Variants in SCEL observed in about 807,000 individuals in gnomAD.
SCEL encodes sciellin.
SCEL carries 113 observed loss-of-function variants against 117.6 expected under a neutral mutation model. That is an observed-to-expected ratio of 0.96 (90% confidence interval 0.83 to 1.12). SCEL has a LOEUF of 1.12. Among genes scored for constraint, SCEL ranks in the 50% most tolerant of loss-of-function variants. SCEL has a pLI of 0.00. For synonymous variants in SCEL, 270 were observed against 256.2 expected (o/e 1.05, Z -0.51); for missense variants, 785 against 810.8 (o/e 0.97, Z 0.39).
intron 9 of SCEL, among the ~76,000 whole-genome samples, chr13:77,587,617 T>A (rs1323926133): frequency 6.6e-6 from 1 of 152,130 alleles, no homozygotes; most frequent in African/African-American, 2.4e-5. Flanking sequence ...CCATGGTAAT[T>A]TCCCAGTCCT....
intron 5 of SCEL, 151 bp from the exon 6 acceptor site, chr13:77,567,529 T>C: frequency 1.7e-6 from 1 of 600,762 alleles, no homozygotes; most frequent in South Asian, 2.0e-5. Flanking sequence ...TTTCTTTTTA[T>C]TTAAAAATTT....
chr13:77,608,305 A>G (rs1440623417), intron 20 of SCEL, among the ~76,000 whole-genome samples, 190 bp downstream of exon 20: 1 of 152,232 alleles, frequency 6.6e-6, no homozygotes, highest in Non-Finnish European at 1.5e-5. Context: ...ACTGAGGATC[A>G]TAATGTTTGT....
chr13:77,608,544 G>A (rs1226557000), intron 20 of SCEL, among the ~76,000 whole-genome samples: 1 of 152,144 alleles, frequency 6.6e-6, no homozygotes, highest in African/African-American at 2.4e-5. Flanking sequence ...AAGTTACAAT[G>A]AGCCAAGATC....
At position 77,644,308 on chromosome 13, in the gene SCEL, C is replaced by G. The variant is rs199698710; in HGVS notation, c.*34C>G. ...CAAGGAAATCAAGATGAAAAGCACT[C>G]ATTAAGGAATTAAAGTTACAAGTTT... On this transcript the variant is annotated 3_prime_UTR_variant, in exon 33 of 33. Transcript: ENST00000349847. 8 of 1,606,674 alleles carry G rather than the reference C, an allele frequency of 5.0e-6. No homozygotes were observed. The highest frequency in any genetic ancestry group is 6.8e-6 in the Non-Finnish European group (8 of 1,174,078).
intron 28 of SCEL, among the ~76,000 whole-genome samples, 153 bp downstream of exon 28, chr13:77,628,162 A>ATGTGTG (rs1192487358): frequency 2.2e-5 from 2 of 89,990 alleles, no homozygotes; most frequent in South Asian, 3.4e-4. Flanking sequence ...GTGTATATAT[A>ATGTGTG]TGTGTGTGTA....
rs1567449787 is a variant in SCEL at position 77,637,393 on chromosome 13, T to TATATACATATATAAAC, written c.1838+204_1838+205insCATATATAAACATATA. Among the ~76,000 whole-genome samples, 108 of 47,898 alleles carry TATATACATATATAAAC rather than the reference T, an allele frequency of 2.3e-3. 1 individual carries two copies. The highest frequency in any genetic ancestry group is 5.9e-3 in the African/African-American group (102 of 17,262). The allele number at this position is 47,898 out of a possible 152,430, so 31.4% of individuals were successfully genotyped here. A position where few individuals can be genotyped will look rare whatever the true frequency, so the allele number is the denominator to read the frequency against. On this transcript the variant is annotated intron_variant, in intron 30 of 32. Coordinates refer to ENST00000349847, the MANE Select transcript of SCEL (RefSeq NM_144777.3). ...ATATAAACATATATACATATATAAA[T>TATATACATATATAAAC]ATATATACATATATAAATAAATATA... is the stretch of plus-strand genomic sequence containing the variant.
chr13:77,625,440 T>C (rs1399942612), intron 27 of SCEL, among the ~76,000 whole-genome samples: 1 of 152,224 alleles, frequency 6.6e-6, no homozygotes, highest in African/African-American at 2.4e-5. Flanking sequence ...CTTGCAGTTA[T>C]GTAGAAGAAT....
intron 9 of SCEL, among the ~76,000 whole-genome samples, 181 bp downstream of exon 9, chr13:77,572,370 C>A (rs553045545): frequency 6.6e-6 from 1 of 152,288 alleles, no homozygotes; most frequent in Non-Finnish European, 1.5e-5. Context: ...CCTGATAGGA[C>A]ATCTGACAAA....
intron 1 of SCEL, among the ~76,000 whole-genome samples, chr13:77,550,581 C>T (rs916943447): frequency 6.6e-6 from 1 of 152,070 alleles, no homozygotes; most frequent in Non-Finnish European, 1.5e-5. Context: ...ATGGATGTGA[C>T]TGTTCTGTAC....
At chr13:77,593,259 AGTGT>A (rs4052543) in intron 11 of SCEL, among the ~76,000 whole-genome samples, 3,121 of 110,978 alleles carry the variant, frequency 0.028, 44 homozygotes, top group East Asian at 0.14. Flanking sequence ...AACAGAGGGG[AGTGT>A]GTGTGTGTGT....
chr13:77,556,295 C>G (rs2084652397), intron 2 of SCEL, among the ~76,000 whole-genome samples: 1 of 152,166 alleles, frequency 6.6e-6, no homozygotes, highest in Admixed American at 6.5e-5. Context: ...GGCCAACCCA[C>G]TAAATCCTGG....
At chr13:77,560,905 A>G (rs1387471307) in intron 4 of SCEL, among the ~76,000 whole-genome samples, 2 of 151,306 alleles carry the variant, frequency 1.3e-5, no homozygotes, top group African/African-American at 4.9e-5. Context: ...GGACACGTCT[A>G]TTTTGGAAAC....
intron 1 of SCEL, among the ~76,000 whole-genome samples, chr13:77,539,099 G>A (rs1456451423): frequency 1.3e-5 from 2 of 152,158 alleles, no homozygotes; most frequent in Non-Finnish European, 2.9e-5. Flanking sequence ...ATATACAAAT[G>A]CATGCAGTGA....
intron 5 of SCEL, among the ~76,000 whole-genome samples, chr13:77,567,458 A>T (rs1248047382): frequency 6.6e-6 from 1 of 152,244 alleles, no homozygotes; most frequent in Non-Finnish European, 1.5e-5. Context: ...CATCTCAAAA[A>T]ATAAAATAAA....
At chr13:77,599,166 T>C (rs879484914) in intron 13 of SCEL, among the ~76,000 whole-genome samples, 163 bp from the exon 14 acceptor site, 1 of 152,238 alleles carries the variant, frequency 6.6e-6, no homozygotes, top group Admixed American at 6.5e-5. Context: ...CCCACTGCAA[T>C]TTAAAATTTG....
chr13:77,546,981 T>C (rs1248443519), intron 1 of SCEL, among the ~76,000 whole-genome samples: 2 of 152,178 alleles, frequency 1.3e-5, no homozygotes, highest in African/African-American at 4.8e-5. Flanking sequence ...GACTTCCACT[T>C]CAATTGTAAT....
intron 9 of SCEL, 95 bp from the exon 10 acceptor site, chr13:77,589,049 A>T: frequency 5.7e-6 from 5 of 883,100 alleles, no homozygotes; most frequent in Non-Finnish European, 9.1e-6. Flanking sequence ...GATGCAAAGG[A>T]TATTTTTATG....
At chr13:77,594,826 A>T (rs1194946855) in intron 12 of SCEL, among the ~76,000 whole-genome samples, 1 of 152,180 alleles carries the variant, frequency 6.6e-6, no homozygotes, top group East Asian at 1.9e-4. Context: ...GTTGTTAGAG[A>T]TTGCAGTCTC....
At chr13:77,604,438 CT>C in intron 19 of SCEL, 23 bp downstream of exon 19, 1 of 1,553,362 alleles carries the variant, frequency 6.4e-7, no homozygotes, top group Non-Finnish European at 8.7e-7. Context: ...AAGCTCCCCC[CT>C]CCCCTTTGTT....
Sources: allele counts gnomAD v4.1 joint callset (sites outside exome capture counted in the v4.1 genomes callset), GRCh38; gene constraint gnomAD v4.1.1; transcripts MANE v1.5; gene names NCBI Gene and HGNC (gene_info 2026-07-23, HGNC 2026-07-21).